The following MACROD1 variants were observed in gnomAD, a reference collection of about 807,000 sequenced individuals.
MACROD1 encodes mono-ADP ribosylhydrolase 1.
In MACROD1, 31 loss-of-function variants were observed where a neutral mutation model predicts 41.4. The ratio of observed to expected loss-of-function variants is 0.75; its 90% CI spans 0.56 to 1.01. The LOEUF is 1.01. Ranked by LOEUF, MACROD1 falls within the 50% of genes least tolerant of loss-of-function variation. MACROD1 has a pLI of 0.00. For missense variants in MACROD1, 473 were observed against 460.0 expected, an observed-to-expected ratio of 1.03 and a Z score of -0.26; for synonymous variants, 252 against 203.4, an observed-to-expected ratio of 1.24 and a Z score of -2.03.
intron 3 of MACROD1, among the ~76,000 whole-genome samples, chr11:64,035,242 G>A (rs1276852021): frequency 6.6e-6 from 1 of 152,198 alleles, no homozygotes; most frequent in East Asian, 1.9e-4. Context: ...AGGTGGGAGG[G>A]GTATTGCTGG....
rs1331480555 is a variant in MACROD1, at chr11:64,122,930, T to G, written c.517+28309A>C. 1.3e-5 allele frequency among the ~76,000 whole-genome samples: 2 copies of G among 152,092 alleles called. No individual in the cohort carries two copies. The highest frequency in any genetic ancestry group is 3.9e-4 in the East Asian group (2 of 5,188). ...GGAGAGGAGGAGAAAGAGCAGACCC[T>G]CCCCCTTGAAAATGGCAGCTCAAGT... On this transcript the variant is annotated intron_variant, in intron 3 of 10. Transcript: ENST00000255681. The surrounding 1 kb of genome is among the most constrained non-coding windows in gnomAD (Gnocchi z 4.0).
rs1461312425 is a variant in MACROD1, at chr11:64,082,102, T to C, written c.518-66821A>G. The C allele has an allele frequency of 6.6e-6, 1 of 152,080 alleles. No individual in the cohort carries two copies. Among genetic ancestry groups the C allele is most frequent in the African/African-American group, 2.4e-5 (1 of 41,366 alleles). 9.4% of individuals were successfully genotyped at this position (152,080 alleles called of 1,614,324 possible). On this transcript the variant is annotated intron_variant, in intron 3 of 10. Transcript: ENST00000255681. The surrounding 1 kb of genome is among the most constrained non-coding windows in gnomAD (Gnocchi z 4.5). ...GGGCCGTGGCGAGAACAGATGGGGCTGTGCCCATCTCCCCAGGCCCTCCTG... is the reference window on the plus strand; with the variant it reads ...GGGCCGTGGCGAGAACAGATGGGGCCGTGCCCATCTCCCCAGGCCCTCCTG...
intron 3 of MACROD1, among the ~76,000 whole-genome samples, chr11:64,030,237 C>G (rs1463467453): frequency 2.6e-5 from 4 of 152,030 alleles, no homozygotes; most frequent in Admixed American, 2.0e-4. Flanking sequence ...ATCTGGCCCC[C>G]CAGAACCCCA....
intron 4 of MACROD1, chr11:64,001,139 T>G: frequency 2.3e-6 from 1 of 427,196 alleles, no homozygotes; most frequent in Non-Finnish European, 4.2e-6. Flanking sequence ...GCGGGAGGCA[T>G]GGAGGAAACG....
In MACROD1 at chr11:63,998,818, C is replaced by T. The variant is rs757326560; in HGVS notation, c.*30+20G>A. 44 of 1,516,664 alleles carry T rather than the reference C, an allele frequency of 2.9e-5. No individual in the cohort carries two copies. The highest frequency in any genetic ancestry group is 4.9e-4 in the Middle Eastern group (2 of 4,112). 94.0% of individuals were successfully genotyped at this position (1,516,664 alleles called of 1,614,324 possible). A position where few individuals can be genotyped will look rare whatever the true frequency, so the allele number is the denominator to read the frequency against. ...TTAGTCTAGGGCCGGGGCCGCCGCA[C>T]GGGGCGAGGCCCTGCTTACCAGTCC... is the stretch of plus-strand genomic sequence containing the variant. On this transcript the variant is annotated intron_variant, in intron 10 of 10. Coordinates refer to ENST00000255681, the MANE Select transcript of MACROD1 (RefSeq NM_014067.4).
At chr11:64,011,395 C>G (rs1943014995) in intron 4 of MACROD1, among the ~76,000 whole-genome samples, 1 of 151,714 alleles carries the variant, frequency 6.6e-6, no homozygotes, top group South Asian at 2.1e-4. Context: ...CTGCCCCTCT[C>G]CATTGAGGGA....
chr11:64,010,626 T>C (rs1355258125), intron 4 of MACROD1, among the ~76,000 whole-genome samples: 1 of 146,010 alleles, frequency 6.8e-6, no homozygotes, highest in East Asian at 2.1e-4. Flanking sequence ...TTGGCTGGGG[T>C]GTTGGTTGGA....
In MACROD1 at chr11:64,067,726, C is replaced by T. The variant is rs1281125486; in HGVS notation, c.518-52445G>A. Among the ~76,000 whole-genome samples the T allele has an allele frequency of 6.6e-6, 1 of 152,204 alleles. No homozygotes were observed. Among genetic ancestry groups the T allele is most frequent in the African/African-American group, 2.4e-5 (1 of 41,450 alleles). ...GATTGCGGACACGCCCCTCGCGAGG[C>T]ACCGCAGGCTGCCACCCCCAGCTTG... On this transcript the variant is annotated intron_variant, in intron 3 of 10. Transcript: ENST00000255681. The surrounding 1 kb of genome is among the most constrained non-coding windows in gnomAD (Gnocchi z 4.6).
At chr11:64,105,228 C>G (rs1417548311) in intron 3 of MACROD1, among the ~76,000 whole-genome samples, 1 of 152,236 alleles carries the variant, frequency 6.6e-6, no homozygotes, top group Non-Finnish European at 1.5e-5. Flanking sequence ...CTGGCTGCTT[C>G]TCTCCCAGTG....
chr11:64,124,234 G>A (rs1334590272), intron 3 of MACROD1, among the ~76,000 whole-genome samples: 1 of 152,178 alleles, frequency 6.6e-6, no homozygotes, highest in Non-Finnish European at 1.5e-5. Context: ...CGCCAGAGGG[G>A]CTGACAGAGA....
At chr11:64,040,381 G>A (rs562392503) in intron 3 of MACROD1, among the ~76,000 whole-genome samples, 5 of 152,284 alleles carry the variant, frequency 3.3e-5, no homozygotes, top group African/African-American at 9.6e-5. Flanking sequence ...GGAGAGGGCT[G>A]CATGGAGACC....
intron 3 of MACROD1, among the ~76,000 whole-genome samples, chr11:64,123,537 G>T (rs1215927511): frequency 1.4e-5 from 2 of 138,428 alleles, no homozygotes; most frequent in African/African-American, 5.3e-5. Context: ...GATGGGTGGG[G>T]TGGGGGGGTT....
rs192379110 is a variant in MACROD1, at chr11:64,110,552, T to C, written c.517+40687A>G. Among the ~76,000 whole-genome samples, 968 of 151,824 alleles carry C rather than the reference T, an allele frequency of 6.4e-3. 31 individuals are homozygous for C. The highest frequency in any genetic ancestry group is 5.1e-3 in the Non-Finnish European group (346 of 67,972). On this transcript the variant is annotated intron_variant, in intron 3 of 10. Coordinates refer to ENST00000255681, the MANE Select transcript of MACROD1 (RefSeq NM_014067.4). ...GAGGTTGGCAGGGGACAACGACTGATAGAGCCAAGAATAATGCCAAGAATA... is the reference window on the plus strand; with the variant it reads ...GAGGTTGGCAGGGGACAACGACTGACAGAGCCAAGAATAATGCCAAGAATA...
At chr11:64,132,352 G>A (rs1236275097) in intron 3 of MACROD1, among the ~76,000 whole-genome samples, 1 of 149,938 alleles carries the variant, frequency 6.7e-6, no homozygotes, top group Non-Finnish European at 1.5e-5. Flanking sequence ...AATCTTCTAT[G>A]TCCAGGCTGA....
intron 1 of MACROD1, among the ~76,000 whole-genome samples, chr11:64,163,574 C>T (rs1945789440): frequency 6.6e-6 from 1 of 152,224 alleles, no homozygotes; most frequent in Admixed American, 6.5e-5. Context: ...CAAGCAGCCC[C>T]ATGGAGAGGC....
intron 3 of MACROD1, among the ~76,000 whole-genome samples, chr11:64,119,628 C>A (rs950787149): frequency 6.6e-6 from 1 of 152,104 alleles, no homozygotes; most frequent in Non-Finnish European, 1.5e-5. Context: ...ATGGCAGTCC[C>A]TCCCTGAATG....
intron 3 of MACROD1, among the ~76,000 whole-genome samples, chr11:64,124,840 C>T (rs1945154328): frequency 6.6e-6 from 1 of 152,184 alleles, no homozygotes; most frequent in African/African-American, 2.4e-5. Context: ...GCCACCATGC[C>T]TGGCTAATTT....
rs1942754553 is a variant in MACROD1, at chr11:63,998,641, G to C, written c.*77C>G. The C allele has an allele frequency of 1.5e-6, 2 of 1,312,420 alleles. No individual in the cohort carries two copies. The highest frequency in any genetic ancestry group is 4.8e-5 in the South Asian group (2 of 41,582). The allele number at this position is 1,312,420 out of a possible 1,614,324, so 81.3% of individuals were successfully genotyped here. On this transcript the variant is annotated 3_prime_UTR_variant, in exon 11 of 11. Transcript: ENST00000255681. ...GTGGCCAGGCCCAGGCCAGGCTGCA[G>C]GCTTTGGCGACCTCTCAGAGCTGGG...
intron 3 of MACROD1, among the ~76,000 whole-genome samples, chr11:64,063,639 G>T (rs1943944300): frequency 6.6e-6 from 1 of 152,212 alleles, no homozygotes; most frequent in Non-Finnish European, 1.5e-5. Flanking sequence ...GAGGAGTGGG[G>T]TTTGTGTGAC....
Sources: gnomAD v4.1 joint callset for allele counts (sites outside exome capture counted in the v4.1 genomes callset) on GRCh38, gnomAD v4.1.1 for gene constraint, Gnocchi (gnomAD v3.1) non-coding constraint, MANE v1.5 for transcripts, NCBI Gene and HGNC (gene_info 2026-07-23, HGNC 2026-07-21) for gene names.